SPOCK3: variants seen among roughly 807,000 people sequenced by gnomAD.
The protein encoded by SPOCK3 is SPARC (osteonectin), cwcv and kazal like domains proteoglycan 3.
A neutral mutation model predicts 56.6 loss-of-function variants in SPOCK3; 30 were observed. That is an observed-to-expected ratio of 0.53 (90% CI 0.40 to 0.72). The LOEUF (loss-of-function observed/expected upper bound fraction) is 0.72. Among genes scored for constraint, SPOCK3 ranks in the 30% least tolerant of loss-of-function variants. The probability of loss-of-function intolerance (pLI) is 0.00; values close to 1 mark genes in which losing one functional copy is unlikely to be tolerated. For missense variants in SPOCK3, 527 were observed against 530.0 expected, an observed-to-expected ratio of 0.99 and a Z score of 0.06; for synonymous variants, 196 against 183.3, an observed-to-expected ratio of 1.07 and a Z score of -0.56.
At chr4:166,852,623 C>A (rs1174598575) in intron 6 of SPOCK3, among the ~76,000 whole-genome samples, 8 of 152,188 alleles carry the variant, frequency 5.3e-5, no homozygotes, top group African/African-American at 1.9e-4. Flanking sequence ...CCATCTTGTT[C>A]TTTCCTTCCT....
intron 2 of SPOCK3, among the ~76,000 whole-genome samples, chr4:167,203,755 C>T (rs1733751241): frequency 6.6e-6 from 1 of 151,568 alleles, no homozygotes; most frequent in African/African-American, 2.4e-5. Flanking sequence ...GAAAAATTCC[C>T]TGAGAAATGA....
At chr4:167,125,150 A>G (rs954563634) in intron 2 of SPOCK3, among the ~76,000 whole-genome samples, 3 of 151,348 alleles carry the variant, frequency 2.0e-5, no homozygotes, top group African/African-American at 7.3e-5. Flanking sequence ...CTTATGGGGT[A>G]GCTCCTCCAT....
At chr4:167,144,688 A>G (rs1178305179) in intron 2 of SPOCK3, among the ~76,000 whole-genome samples, 2 of 151,400 alleles carry the variant, frequency 1.3e-5, no homozygotes, top group African/African-American at 4.9e-5. Context: ...TCCCACTGAA[A>G]GAAATGTGAA....
At chr4:167,230,002 G>T (rs907091631) in intron 2 of SPOCK3, among the ~76,000 whole-genome samples, 6 of 151,832 alleles carry the variant, frequency 4.0e-5, no homozygotes, top group African/African-American at 1.5e-4. Flanking sequence ...CCATTAAAGG[G>T]TACAATCCTG....
chr4:167,084,391 T>C (rs1203000941), intron 2 of SPOCK3, among the ~76,000 whole-genome samples: 1 of 152,062 alleles, frequency 6.6e-6, no homozygotes, highest in Non-Finnish European at 1.5e-5. Context: ...TGTATATTTC[T>C]CTCTTTTATA....
chr4:167,147,480 A>G (rs1764061310), intron 2 of SPOCK3, among the ~76,000 whole-genome samples: 1 of 152,198 alleles, frequency 6.6e-6, no homozygotes, highest in African/African-American at 2.4e-5. Context: ...AAAGGATTAT[A>G]TATCATTCTG....
intron 4 of SPOCK3, among the ~76,000 whole-genome samples, chr4:166,982,727 C>A (rs1433556076): frequency 6.6e-6 from 1 of 151,898 alleles, no homozygotes; most frequent in African/African-American, 2.4e-5. Context: ...AAGAACTATA[C>A]CTTTGAGTCA....
chr4:166,938,113 G>A (rs912850678), intron 4 of SPOCK3, among the ~76,000 whole-genome samples: 6 of 151,702 alleles, frequency 4.0e-5, no homozygotes, highest in Non-Finnish European at 8.8e-5. Context: ...TTTTTAAGCA[G>A]AACTTTTTTA....
chr4:167,134,263 C>A (rs1230491808), intron 2 of SPOCK3, among the ~76,000 whole-genome samples: 1 of 151,756 alleles, frequency 6.6e-6, no homozygotes, highest in Non-Finnish European at 1.5e-5. Context: ...GAACTCCTGA[C>A]TACAGGCGAT....
intron 2 of SPOCK3, among the ~76,000 whole-genome samples, chr4:167,224,562 CTAAT>C (rs1474930507): frequency 1.3e-5 from 2 of 152,164 alleles, no homozygotes; most frequent in East Asian, 3.9e-4. Context: ...AAGTTTTTTC[CTAAT>C]TAATTTCCTA....
intron 7 of SPOCK3, among the ~76,000 whole-genome samples, chr4:166,764,175 T>C (rs759240197): frequency 2.0e-5 from 3 of 152,106 alleles, no homozygotes; most frequent in Non-Finnish European, 2.9e-5. Flanking sequence ...TCTTTTTCAA[T>C]ACAGGGGAGA....
chr4:167,068,038 T>G (rs1756333223), intron 2 of SPOCK3, among the ~76,000 whole-genome samples: 1 of 151,772 alleles, frequency 6.6e-6, no homozygotes, highest in Non-Finnish European at 1.5e-5. Flanking sequence ...ACATAACAAT[T>G]GGCTCCAATT....
At chr4:166,810,250 T>C (rs1743630881) in intron 6 of SPOCK3, among the ~76,000 whole-genome samples, 1 of 152,064 alleles carries the variant, frequency 6.6e-6, no homozygotes, top group South Asian at 2.1e-4. Flanking sequence ...GAAACTGACA[T>C]GTGCATAAGC....
At chr4:167,105,021 C>T (rs1325523292) in intron 2 of SPOCK3, among the ~76,000 whole-genome samples, 2 of 151,706 alleles carry the variant, frequency 1.3e-5, no homozygotes, top group Non-Finnish European at 2.9e-5. Flanking sequence ...AAATATCTTT[C>T]AAATATGAAA....
In SPOCK3 at chr4:167,201,678, C is replaced by CT. The variant is rs796214169; in HGVS notation, c.189+32306dup. On this transcript the variant is annotated intron_variant, in intron 2 of 10. Coordinates refer to ENST00000357545, the MANE Select transcript of SPOCK3 (RefSeq NM_001040159.2). ...GAATTATAGCAGAAGAAGAAATCACCTTTTTTTTTTTCTTCTTTAATGACT... is the reference window on the plus strand; with the variant it reads ...GAATTATAGCAGAAGAAGAAATCACCTTTTTTTTTTTTCTTCTTTAATGACT... Among the ~76,000 whole-genome samples, 92 of 146,408 alleles carry CT rather than the reference C, an allele frequency of 6.3e-4. 1 individual carries two copies. Among genetic ancestry groups the CT allele is most frequent in the South Asian group, 1.5e-3 (7 of 4,608 alleles).
Position 166,734,813 on chromosome 4 carries a change from T to A in SPOCK3, c.*108A>T. 1 of 919,244 alleles carries A rather than the reference T, an allele frequency of 1.1e-6. No homozygotes were observed. The highest frequency in any genetic ancestry group is 1.6e-6 in the Non-Finnish European group (1 of 626,714). 56.9% of individuals were successfully genotyped at this position (919,244 alleles called of 1,614,324 possible). The stretch of plus-strand genomic sequence containing the variant: ...TTTTCAAATAATTATACAAAATATA[T>A]GTGAGGTTTAGAATCATTTTGTTAT... On this transcript the variant is annotated 3_prime_UTR_variant, in exon 11 of 11. Transcript: ENST00000357545.
chr4:167,089,842 C>T (rs1378887399), intron 2 of SPOCK3, among the ~76,000 whole-genome samples: 1 of 152,108 alleles, frequency 6.6e-6, no homozygotes, highest in Admixed American at 6.6e-5. Context: ...TTTCTTCCCC[C>T]AGTGATTTGT....
At chr4:166,826,294 C>T (rs1429440511) in intron 6 of SPOCK3, among the ~76,000 whole-genome samples, 1 of 152,072 alleles carries the variant, frequency 6.6e-6, no homozygotes. Context: ...CTTTGTTTTT[C>T]TCACTTAAGT....
chr4:166,795,751 A>AT lies in SPOCK3; in HGVS notation c.590-3463dup, dbSNP rs529667862. On this transcript the variant is annotated intron_variant, in intron 6 of 10. Transcript: ENST00000357545. ...ATGTTGTATTTGAGAGTCAATAAAT[A>AT]TTTTTTTCAGGTGTCAAACTTTTAC... 8.6e-3 allele frequency among the ~76,000 whole-genome samples: 1,302 copies of AT among 152,068 alleles called. 9 individuals carry two copies. Among genetic ancestry groups the AT allele is most frequent in the Non-Finnish European group, 0.015 (1,004 of 67,954 alleles).
Sources: gnomAD v4.1 joint callset for allele counts (sites outside exome capture counted in the v4.1 genomes callset) on GRCh38, gnomAD v4.1.1 for gene constraint, MANE v1.5 for transcripts, NCBI Gene and HGNC (gene_info 2026-07-23, HGNC 2026-07-21) for gene names.